Variants in RORB observed in about 807,000 individuals in gnomAD.
RORB encodes RAR related orphan receptor B, also known as nuclear receptor ROR-beta.
In RORB, 6 loss-of-function variants were observed where a neutral mutation model predicts 59.1. The observed-to-expected ratio is 0.10, with a 90% confidence interval of 0.06 to 0.20. The LOEUF (loss-of-function observed/expected upper bound fraction) is 0.20. RORB is among the 10% of genes least tolerant of loss of function. RORB has a pLI of 1.00. For missense variants in RORB, 320 were observed against 560.5 expected, an observed-to-expected ratio of 0.57 and a Z score of 4.33; for synonymous variants, 215 against 204.5, an observed-to-expected ratio of 1.05 and a Z score of -0.44.
chr9:74,674,318 T>C (rs1824398512), intron 9 of RORB, among the ~76,000 whole-genome samples: 1 of 152,202 alleles, frequency 6.6e-6, no homozygotes, highest in African/African-American at 2.4e-5. Context: ...CATAGACCCC[T>C]TGGGGACTCC....
At chr9:74,616,474 T>C (rs1254806800) in intron 1 of RORB, among the ~76,000 whole-genome samples, 3 of 152,196 alleles carry the variant, frequency 2.0e-5, no homozygotes, top group African/African-American at 4.8e-5. Flanking sequence ...AAAAAGTAGA[T>C]ACTGTTTCTG....
intron 1 of RORB, among the ~76,000 whole-genome samples, chr9:74,527,968 C>T (rs756699947): frequency 4.6e-5 from 7 of 151,992 alleles, no homozygotes; most frequent in Non-Finnish European, 8.8e-5. Context: ...AATGGGGTTT[C>T]GGAGCTACTC....
chr9:74,501,014 A>G (rs577283952), intron 1 of RORB, among the ~76,000 whole-genome samples: 7 of 152,262 alleles, frequency 4.6e-5, no homozygotes, highest in African/African-American at 1.7e-4. Flanking sequence ...TGGGCCCATC[A>G]CTAGGTGAGA....
At chr9:74,621,530 G>T (rs1025949620) in intron 1 of RORB, among the ~76,000 whole-genome samples, 8 of 152,308 alleles carry the variant, frequency 5.3e-5, no homozygotes, top group African/African-American at 1.7e-4. Context: ...GGGTAATTAT[G>T]AATGAAGTTG....
chr9:74,592,929 G>A (rs1381621273), intron 1 of RORB, among the ~76,000 whole-genome samples: 1 of 151,990 alleles, frequency 6.6e-6, no homozygotes, highest in Non-Finnish European at 1.5e-5. Flanking sequence ...GCTGTCAGAA[G>A]GCCTGCGAGG....
chr9:74,548,726 A>G (rs535305569), intron 1 of RORB, among the ~76,000 whole-genome samples: 4 of 152,330 alleles, frequency 2.6e-5, no homozygotes, highest in Non-Finnish European at 5.9e-5. Flanking sequence ...ATGCAGAAAC[A>G]TAAAGAAAAA....
At chr9:74,608,808 C>T (rs1823189474) in intron 1 of RORB, among the ~76,000 whole-genome samples, 1 of 152,144 alleles carries the variant, frequency 6.6e-6, no homozygotes, top group African/African-American at 2.4e-5. Context: ...AATTAAACTG[C>T]ACAAGTTTCT....
intron 9 of RORB, among the ~76,000 whole-genome samples, chr9:74,680,662 A>T (rs1005197160): frequency 3.3e-5 from 5 of 152,240 alleles, no homozygotes; most frequent in Non-Finnish European, 7.3e-5. Flanking sequence ...AACAGAAACC[A>T]AAAACAAAAA....
intron 9 of RORB, among the ~76,000 whole-genome samples, chr9:74,673,744 T>C (rs1407820107): frequency 6.6e-6 from 1 of 152,208 alleles, no homozygotes; most frequent in Non-Finnish European, 1.5e-5. Context: ...AGTTCTTTTC[T>C]TATAGACAAG....
intron 1 of RORB, among the ~76,000 whole-genome samples, chr9:74,538,328 C>T (rs949080370): frequency 3.9e-5 from 6 of 151,988 alleles, no homozygotes; most frequent in Admixed American, 2.6e-4. Context: ...CTCAAGAAGC[C>T]CTCTTGGATG....
At chr9:74,617,037 T>A (rs1196148482) in intron 1 of RORB, among the ~76,000 whole-genome samples, 1 of 151,862 alleles carries the variant, frequency 6.6e-6, no homozygotes, top group Non-Finnish European at 1.5e-5. Flanking sequence ...CTAGGCTTAG[T>A]AATTCCTAGT....
intron 4 of RORB, among the ~76,000 whole-genome samples, chr9:74,643,691 C>T (rs975685319): frequency 1.3e-5 from 2 of 152,174 alleles, no homozygotes; most frequent in Non-Finnish European, 2.9e-5. Context: ...CAAACAGTGG[C>T]GATGTGATCC....
At chr9:74,608,101 C>T (rs1823177123) in intron 1 of RORB, among the ~76,000 whole-genome samples, 1 of 152,086 alleles carries the variant, frequency 6.6e-6, no homozygotes, top group South Asian at 2.1e-4. Flanking sequence ...AACTCAGGTA[C>T]TAGAGTATCC....
chr9:74,683,843 G>T (rs888969727), intron 9 of RORB, among the ~76,000 whole-genome samples: 1 of 152,102 alleles, frequency 6.6e-6, no homozygotes, highest in Non-Finnish European at 1.5e-5. Context: ...TCATCAAGTA[G>T]ACTACAAACA....
intron 1 of RORB, among the ~76,000 whole-genome samples, chr9:74,537,617 C>T (rs1749357225): frequency 6.6e-6 from 1 of 151,936 alleles, no homozygotes; most frequent in South Asian, 2.1e-4. Flanking sequence ...TTTCAAAGAG[C>T]TTTGTTGCTG....
chr9:74,501,169 G>A (rs1587328378), intron 1 of RORB, among the ~76,000 whole-genome samples: 1 of 151,998 alleles, frequency 6.6e-6, no homozygotes, highest in Non-Finnish European at 1.5e-5. Flanking sequence ...CACAGATGTC[G>A]TCGCAATCAA....
intron 1 of RORB, among the ~76,000 whole-genome samples, chr9:74,617,359 A>G (rs1332168937): frequency 6.6e-6 from 1 of 152,218 alleles, no homozygotes; most frequent in African/African-American, 2.4e-5. Flanking sequence ...TGAAAATTAT[A>G]ATGTTATTTC....
rs547136330 is a variant in RORB at position 74,643,496 on chromosome 9, T to C, written c.637+681T>C. ...TAAGGAGCGATCTTCAAGAGTGCCC[T>C]GCCTTAGGCAAGCTCTCTTCTGACC... On this transcript the variant is annotated intron_variant, in intron 4 of 9. Coordinates refer to ENST00000376896, the MANE Select transcript of RORB (RefSeq NM_006914.4). 8.5e-5 allele frequency among the ~76,000 whole-genome samples: 13 copies of C among 152,388 alleles called. No individual in the cohort carries two copies. The South Asian group carries it at 2.7e-3, about 32-fold the overall frequency.
At chr9:74,527,713 C>T (rs1826177177) in intron 1 of RORB, among the ~76,000 whole-genome samples, 1 of 152,008 alleles carries the variant, frequency 6.6e-6, no homozygotes, top group South Asian at 2.1e-4. Flanking sequence ...CACATGAAGG[C>T]CAGTGCTCTT....
Sources: gnomAD v4.1 joint callset for allele counts (sites outside exome capture counted in the v4.1 genomes callset) on GRCh38, gnomAD v4.1.1 for gene constraint, MANE v1.5 for transcripts, NCBI Gene and HGNC (gene_info 2026-07-23, HGNC 2026-07-21) for gene names.